The following AP1M2 variants were observed in gnomAD, a reference collection of about 807,000 sequenced individuals.
The protein encoded by AP1M2 is AP-1 complex subunit mu-2.
In AP1M2, 41 loss-of-function variants were observed where a neutral mutation model predicts 54.6. That is an observed-to-expected ratio of 0.75 (90% CI 0.59 to 0.97). AP1M2 has a LOEUF of 0.97. Ranked by LOEUF, AP1M2 falls within the 50% of genes least tolerant of loss-of-function variation. AP1M2 has a pLI of 0.00. For synonymous variants in AP1M2, 219 were observed against 215.9 expected (o/e 1.01, Z -0.13); for missense variants, 507 against 561.2 (o/e 0.90, Z 0.98).
chr19:10,587,150 C>T, intron 1 of AP1M2, 40 bp downstream of exon 1: 1 of 1,548,972 alleles, frequency 6.5e-7, no homozygotes, highest in Non-Finnish European at 8.7e-7. Flanking sequence ...GGAGCGAGAC[C>T]TCACCTGTCC....
At chr19:10,586,399 G>A (rs1975160) in intron 1 of AP1M2, among the ~76,000 whole-genome samples, 32,050 of 147,076 alleles carry the variant, frequency 0.22, 4,309 homozygotes, top group Non-Finnish European at 0.31. Flanking sequence ...AGGTTGCAGT[G>A]AGCCAAGATG....
At chr19:10,573,629 T>C (rs1289463852) in intron 11 of AP1M2, among the ~76,000 whole-genome samples, 4 of 150,618 alleles carry the variant, frequency 2.7e-5, no homozygotes, top group African/African-American at 9.8e-5. Context: ...ACCCTAGAAC[T>C]GACGCTGACA....
chr19:10,581,241 GAA>G, intron 6 of AP1M2, 23 bp downstream of exon 6: 3 of 1,595,968 alleles, frequency 1.9e-6, no homozygotes, highest in Non-Finnish European at 2.6e-6. Context: ...GCATTTCTCA[GAA>G]GAAAGGTCCC....
chr19:10,579,931 C>A, intron 6 of AP1M2, 73 bp from the exon 7 acceptor site: 1 of 1,435,244 alleles, frequency 7.0e-7, no homozygotes, highest in South Asian at 1.4e-5. Flanking sequence ...CCTTTCCTGC[C>A]GACCACTGTC....
chr19:10,574,279 C>G (rs1345600998), intron 11 of AP1M2, 138 bp downstream of exon 11: 2 of 690,088 alleles, frequency 2.9e-6, no homozygotes, highest in Non-Finnish European at 4.6e-6. Context: ...CTTGGCCTCC[C>G]AAAGTGCTAG....
At chr19:10,576,484 G>C (rs1376286573) in intron 9 of AP1M2, among the ~76,000 whole-genome samples, 2 of 151,788 alleles carry the variant, frequency 1.3e-5, no homozygotes, top group Admixed American at 1.3e-4. Context: ...GGATGGTCTC[G>C]ATCTCCTGAC....
intron 1 of AP1M2, among the ~76,000 whole-genome samples, chr19:10,585,339 GAA>G (rs1481648441): frequency 6.7e-6 from 1 of 149,882 alleles, no homozygotes; most frequent in South Asian, 2.1e-4. Context: ...AAGAAAGAAA[GAA>G]AGAAAGAAAG....
rs1233002726 is a variant in AP1M2, at chr19:10,583,938, A to G, written c.175T>C (p.Trp59Arg). 3.1e-6 allele frequency: 5 copies of G among 1,601,428 alleles called. No homozygotes were observed. The Admixed American group carries it at 6.9e-5, about 22-fold the overall frequency. ...LLSHGQVHFL[W>R]IKHSNLYLVA... The stretch of plus-strand genomic sequence containing the variant: ...CAGTAGAGGTTGCTGTGTTTGATCC[A>G]TAGGAAGTGGACCTGGCCGTGGCTC... Residue 59 changes from tryptophan to arginine, a missense_variant, in exon 2 of 12, where the codon TGG (tryptophan) becomes CGG (arginine). Physicochemically the swap from Trp to Arg is moderately radical, Grantham distance 101. Coordinates refer to ENST00000250244, the MANE Select transcript of AP1M2 (RefSeq NM_005498.5).
At chr19:10,581,231 G>A in intron 6 of AP1M2, 35 bp downstream of exon 6, 1 of 1,588,720 alleles carries the variant, frequency 6.3e-7, no homozygotes, top group Non-Finnish European at 8.6e-7. Context: ...ACTCCCCTGT[G>A]CATTTCTCAG....
intron 6 of AP1M2, among the ~76,000 whole-genome samples, chr19:10,580,800 T>C (rs1224283110): frequency 6.6e-6 from 1 of 151,464 alleles, no homozygotes; most frequent in Non-Finnish European, 1.5e-5. Flanking sequence ...CCCGTCTCTA[T>C]AAAAAATTTA....
intron 6 of AP1M2, 76 bp downstream of exon 6, chr19:10,581,190 C>A: frequency 1.3e-6 from 2 of 1,527,790 alleles, no homozygotes; most frequent in Middle Eastern, 2.4e-4. Flanking sequence ...GGCTGCGATT[C>A]TCTTAAGTCC....
chr19:10,585,355 G>GAA (rs780189700), intron 1 of AP1M2, among the ~76,000 whole-genome samples: 3 of 151,322 alleles, frequency 2.0e-5, no homozygotes. Context: ...AAGAAAGAAA[G>GAA]ATGACAGTTC....
rs761767257 is a variant in AP1M2 at position 10,579,784 on chromosome 19, C to A, written c.748G>T (p.Asp250Tyr). The change falls in exon 7 of 12, where the codon GAC (aspartate) becomes TAC (tyrosine). Residue 250 changes from aspartate to tyrosine, a missense_variant. Coordinates refer to ENST00000250244, the MANE Select transcript of AP1M2 (RefSeq NM_005498.5). The stretch of plus-strand genomic sequence containing the variant: ...GGCGGGATGAAGGAGATGGTGCGGT[C>A]GTTGTCAAAGCGAGAGAGCCGCACG... ...QCVRLSRFDN[D>Y]RTISFIPPDG... 1.9e-6 allele frequency: 3 copies of A among 1,613,756 alleles called. No individual in the cohort carries two copies. The highest frequency in any genetic ancestry group is 2.7e-5 in the African/African-American group (2 of 74,906).
Position 10,573,131 on chromosome 19 carries a change from G to A in AP1M2, c.1250-43C>T, listed in dbSNP as rs371504289. On this transcript the variant is annotated intron_variant, in intron 11 of 11. Transcript: ENST00000250244. ...GGAGGGGCCATCTCAGAAATGGGGA[G>A]AGGGGGGCCGGGCACGGTGACTCAC... 91 of 1,542,504 alleles carry A rather than the reference G, an allele frequency of 5.9e-5. No individual in the cohort carries two copies. The African/African-American group carries it at 1.2e-3, about 21-fold the overall frequency.
At chr19:10,582,643 G>A (rs1466451231) in intron 3 of AP1M2, among the ~76,000 whole-genome samples, 1 of 151,340 alleles carries the variant, frequency 6.6e-6, no homozygotes, top group Non-Finnish European at 1.5e-5. Context: ...AGCTACTAGG[G>A]AGGCTGAAGC....
At position 10,581,287 on chromosome 19, in the gene AP1M2, C is replaced by A. The variant is rs751646389; in HGVS notation, c.652G>T (p.Val218Leu). ...PELRLGLNDR[V>L]LFELTGRSKN... Reference sequence around the variant, plus strand: ...TTACGGCCAGTGAGCTCGAAGAGCACGCGGTCATTGAGGCCCAGCCGCAGC... The same window carrying A: ...TTACGGCCAGTGAGCTCGAAGAGCAAGCGGTCATTGAGGCCCAGCCGCAGC... Residue 218 changes from valine (V) to leucine (L), a missense_variant, in exon 6 of 12, where the codon GTG (valine) becomes TTG (leucine). Transcript: ENST00000250244. The A allele has an allele frequency of 1.8e-5, 29 of 1,613,592 alleles. No individual in the cohort carries two copies. The Admixed American group carries it at 4.8e-4, about 27-fold the overall frequency.
At chr19:10,578,252 G>C (rs1171974064) in intron 8 of AP1M2, among the ~76,000 whole-genome samples, 1 of 152,160 alleles carries the variant, frequency 6.6e-6, no homozygotes, top group Admixed American at 6.6e-5. Flanking sequence ...TGGAGGCCTG[G>C]GCTGAGAGGG....
intron 8 of AP1M2, 139 bp downstream of exon 8, chr19:10,578,753 T>G: frequency 1.8e-6 from 1 of 557,610 alleles, no homozygotes; most frequent in Non-Finnish European, 3.2e-6. Flanking sequence ...GGTTTCGCCC[T>G]GTTGCCCAGG....
intron 1 of AP1M2, 76 bp from the exon 2 acceptor site, chr19:10,584,146 T>A (rs1917558940): frequency 1.3e-6 from 2 of 1,515,188 alleles, no homozygotes; most frequent in South Asian, 2.5e-5. Flanking sequence ...CAGTGCCCGG[T>A]TCTGACCCTA....
Sources: allele counts gnomAD v4.1 joint callset (sites outside exome capture counted in the v4.1 genomes callset), GRCh38; gene constraint gnomAD v4.1.1; transcripts MANE v1.5; gene names NCBI Gene and HGNC (gene_info 2026-07-23, HGNC 2026-07-21).